Variants in USH2A observed in about 807,000 individuals in gnomAD.
USH2A encodes Usher syndrome 2A (autosomal recessive, mild).
In USH2A, 443 loss-of-function variants were observed where a neutral mutation model predicts 538.9. The observed-to-expected ratio is 0.82, with a 90% CI of 0.76 to 0.89. The LOEUF is 0.89. USH2A is among the 40% of genes least tolerant of loss of function. The pLI is 0.00. For missense variants in USH2A, 6,633 were observed against 6,324.8 expected (o/e 1.05, Z -1.65); for synonymous variants, 2,413 against 2,273.5 (o/e 1.06, Z -1.75).
At chr1:216,264,587 C>T (rs1266827853) in intron 11 of USH2A, among the ~76,000 whole-genome samples, 33 of 151,998 alleles carry the variant, frequency 2.2e-4, no homozygotes, top group Non-Finnish European at 2.9e-5. Flanking sequence ...CGTGAGCCAC[C>T]CCACTGAGCT....
chr1:216,315,441 A>G (rs1025289023), intron 9 of USH2A, among the ~76,000 whole-genome samples: 1 of 152,152 alleles, frequency 6.6e-6, no homozygotes, highest in Non-Finnish European at 1.5e-5. Flanking sequence ...GTTTCCTGGG[A>G]TTGGGGGTTC....
At chr1:216,088,033 T>C (rs1372930915) in intron 23 of USH2A, among the ~76,000 whole-genome samples, 1 of 152,194 alleles carries the variant, frequency 6.6e-6, no homozygotes, top group Non-Finnish European at 1.5e-5. Flanking sequence ...TGTGACCTTA[T>C]GTCATGTCAT....
intron 4 of USH2A, among the ~76,000 whole-genome samples, chr1:216,361,733 T>A (rs1364599867): frequency 2.0e-5 from 3 of 152,188 alleles, no homozygotes; most frequent in African/African-American, 7.2e-5. Flanking sequence ...GATAAGGATG[T>A]GGAACAACTG....
chr1:215,702,748 G>A (rs1659070437), intron 61 of USH2A, among the ~76,000 whole-genome samples: 1 of 151,074 alleles, frequency 6.6e-6, no homozygotes, highest in Admixed American at 6.6e-5. Context: ...TCCTTGCATT[G>A]GGTTAGAACA....
intron 23 of USH2A, among the ~76,000 whole-genome samples, chr1:216,088,235 C>A (rs573383084): frequency 5.9e-5 from 9 of 152,036 alleles, no homozygotes; most frequent in African/African-American, 1.7e-4. Flanking sequence ...ATCAGAGAGA[C>A]CTTTCTTAAC....
Position 215,879,002 on chromosome 1 carries a change from CG to C in USH2A, c.8319del (p.Ala2774GlnfsTer3). The C allele has an allele frequency of 6.2e-7, 1 of 1,613,972 alleles. No homozygotes were observed. Among genetic ancestry groups the C allele is most frequent in the Non-Finnish European group, 8.5e-7 (1 of 1,179,918 alleles). ...TGAGTAACTTTTTGACTTAACACTG[CG>C]GAAGTCACATTGGTTAAAGTGATGT... is the stretch of plus-strand genomic sequence containing the variant. ...DPHITLTNVT[S>X]AVLSQKVTHL... On this transcript the variant is annotated frameshift_variant, in exon 42 of 72. Transcript: ENST00000307340. LOFTEE classifies it high-confidence loss of function.
intron 11 of USH2A, among the ~76,000 whole-genome samples, chr1:216,279,954 A>C (rs2102593222): frequency 6.6e-6 from 1 of 152,090 alleles, no homozygotes; most frequent in South Asian, 2.1e-4. Flanking sequence ...GAGTGGGGTC[A>C]GTGGAGGGAA....
intron 36 of USH2A, 97 bp downstream of exon 36, chr1:215,970,528 C>T (rs193212311): frequency 5.0e-5 from 73 of 1,469,100 alleles, no homozygotes; most frequent in Admixed American, 3.4e-5. Flanking sequence ...GAAAGGCTAG[C>T]TGTGCAGAGG....
In USH2A at chr1:216,084,820, TA is replaced by T. The variant is rs1367155556; in HGVS notation, c.5044del (p.Tyr1682ThrfsTer32). ...CLKDVHFMKNYNPSAIWEPLD... is the reference protein window; with the variant it reads ...CLKDVHFMKNXNPSAIWEPLD... ...AGGTTCCCAAATAGCTGACGGATTG[TA>T]ATTCTTCATAAAATGTACATCCTTG... On this transcript the variant is annotated frameshift_variant, in exon 25 of 72. Coordinates refer to ENST00000307340, the MANE Select transcript of USH2A (RefSeq NM_206933.4). LOFTEE classifies it high-confidence loss of function. 1.2e-6 allele frequency: 2 copies of T among 1,613,554 alleles called. No individual in the cohort carries two copies. The highest frequency in any genetic ancestry group is 2.2e-5 in the South Asian group (2 of 91,080).
At position 216,378,178 on chromosome 1, in the gene USH2A, A is replaced by G. The variant is rs374814910; in HGVS notation, c.652-13093T>C. On this transcript the variant is annotated intron_variant, in intron 3 of 71. Transcript: ENST00000307340. The stretch of plus-strand genomic sequence containing the variant: ...TCCAGATATCTTTAGAAATAAATCA[A>G]TAATGAAGGTTGATATTAAATGGTG... Among the ~76,000 whole-genome samples, 33 of 152,336 alleles carry G rather than the reference A, an allele frequency of 2.2e-4. 1 individual carries two copies. The highest frequency in any genetic ancestry group is 1.9e-3 in the South Asian group (9 of 4,830).
intron 36 of USH2A, among the ~76,000 whole-genome samples, chr1:215,969,766 A>G (rs1006274244): frequency 1.3e-5 from 2 of 152,178 alleles, no homozygotes; most frequent in African/African-American, 4.8e-5. Context: ...AAATTAAAAC[A>G]TAGAGCTGTC....
Position 215,647,827 on chromosome 1 carries a change from T to C in USH2A, c.14583-97A>G, listed in dbSNP as rs998619247. ...TTCTATTTTGTGAGGAGACATTTTG[T>C]TTTCACAGAGCTACAGGCTCTTTAA... On this transcript the variant is annotated intron_variant, in intron 66 of 71. Coordinates refer to ENST00000307340, the MANE Select transcript of USH2A (RefSeq NM_206933.4). The C allele has an allele frequency of 5.0e-6, 7 of 1,404,142 alleles. No individual in the cohort carries two copies. The African/African-American group carries it at 9.9e-5, about 20-fold the overall frequency. The allele number at this position is 1,404,142 out of a possible 1,614,324, so 87.0% of individuals were successfully genotyped here. A position where few individuals can be genotyped will look rare whatever the true frequency, so the allele number is the denominator to read the frequency against.
rs1032612359 is a variant in USH2A, at chr1:215,623,268, A to C, written c.*2513T>G. 6.6e-6 allele frequency: 1 copy of C among 152,230 alleles called. No individual in the cohort carries two copies. Among genetic ancestry groups the C allele is most frequent in the African/African-American group, 2.4e-5 (1 of 41,562 alleles). The allele number at this position is 152,230 out of a possible 1,614,324, so 9.4% of individuals were successfully genotyped here. On this transcript the variant is annotated 3_prime_UTR_variant, in exon 72 of 72. Transcript: ENST00000307340. ...GGTAAAATGTGAGTCAGGAGATTTAAATTTAAAGAGGTTCATCAAGAACTG... is the reference window on the plus strand; with the variant it reads ...GGTAAAATGTGAGTCAGGAGATTTACATTTAAAGAGGTTCATCAAGAACTG...
At chr1:215,984,371 A>G (rs1452761800) in intron 35 of USH2A, among the ~76,000 whole-genome samples, 1 of 152,236 alleles carries the variant, frequency 6.6e-6, no homozygotes, top group African/African-American at 2.4e-5. Flanking sequence ...AATTTAATCT[A>G]GTTCTAGACA....
Position 215,764,734 on chromosome 1 carries a change from G to A in USH2A, c.11047+1947C>T, listed in dbSNP as rs932818922. 7.9e-5 allele frequency among the ~76,000 whole-genome samples: 12 copies of A among 152,000 alleles called. 1 individual carries two copies. Among genetic ancestry groups the A allele is most frequent in the African/African-American group, 2.4e-4 (10 of 41,392 alleles). On this transcript the variant is annotated intron_variant, in intron 56 of 71. Transcript: ENST00000307340. ...ATTTTATAATTAGTTATGTCTGGGT[G>A]GATAATCTAAAGTGGTATACTTGTT...
chr1:215,999,485 C>T (rs941952823), intron 33 of USH2A, among the ~76,000 whole-genome samples: 12 of 152,006 alleles, frequency 7.9e-5, no homozygotes, highest in African/African-American at 2.7e-4. Flanking sequence ...ACTGGAAGGG[C>T]TGAAAAAATC....
At chr1:216,402,079 G>A (rs115457200) in intron 3 of USH2A, among the ~76,000 whole-genome samples, 5,248 of 152,112 alleles carry the variant, frequency 0.035, 123 homozygotes, top group Middle Eastern at 0.078. Flanking sequence ...GTTTGTGTGC[G>A]TGTGTAAACA....
chr1:215,887,794 A>G (rs1204629529), intron 41 of USH2A, among the ~76,000 whole-genome samples: 1 of 152,194 alleles, frequency 6.6e-6, no homozygotes, highest in Non-Finnish European at 1.5e-5. Context: ...TGGCAGTAGT[A>G]CAAGACTGAA....
At chr1:216,026,682 T>C (rs548803435) in intron 32 of USH2A, among the ~76,000 whole-genome samples, 1 of 152,254 alleles carries the variant, frequency 6.6e-6, no homozygotes, top group Admixed American at 6.5e-5. Flanking sequence ...GTCTTCAGGA[T>C]GAAAGATGAA....
Sources: gnomAD v4.1 joint callset for allele counts (sites outside exome capture counted in the v4.1 genomes callset) on GRCh38, gnomAD v4.1.1 for gene constraint, MANE v1.5 for transcripts, NCBI Gene and HGNC (gene_info 2026-07-23, HGNC 2026-07-21) for gene names.